Variants in AKT3 observed in about 807,000 individuals in gnomAD.
The protein encoded by AKT3 is AKT serine/threonine kinase 3.
In AKT3, 15 loss-of-function variants were observed where a neutral mutation model predicts 65.3. That is an observed-to-expected ratio of 0.23 (90% CI 0.15 to 0.35). The LOEUF (loss-of-function observed/expected upper bound fraction) is 0.35. Ranked by LOEUF, AKT3 falls within the 10% of genes least tolerant of loss-of-function variation. The probability of loss-of-function intolerance (pLI) is 1.00; values close to 1 mark genes in which losing one functional copy is unlikely to be tolerated. For synonymous variants in AKT3, 206 were observed against 183.8 expected (o/e 1.12, Z -0.98); for missense variants, 243 against 576.5 (o/e 0.42, Z 5.92).
intron 2 of AKT3, among the ~76,000 whole-genome samples, chr1:243,776,173 T>C (rs1235842231): frequency 6.6e-6 from 1 of 152,238 alleles, no homozygotes; most frequent in Admixed American, 6.5e-5. Flanking sequence ...AAATTAGTTC[T>C]AATTTTTCTC....
chr1:243,678,308 C>A (rs564096382), intron 3 of AKT3, among the ~76,000 whole-genome samples: 1 of 151,936 alleles, frequency 6.6e-6, no homozygotes, highest in African/African-American at 2.4e-5. Context: ...ACTACAGCAA[C>A]AACAACAACA....
In AKT3 at chr1:243,795,904, T is replaced by G. The variant is rs934499777; in HGVS notation, c.46+47221A>C. On this transcript the variant is annotated intron_variant, in intron 2 of 13. Transcript: ENST00000673466. Reference sequence around the variant, plus strand: ...AGTTGGTAGTGAAGGGACTCACCCATCCACAAGGGCACATAGGGAGAAAAT... The same window carrying G: ...AGTTGGTAGTGAAGGGACTCACCCAGCCACAAGGGCACATAGGGAGAAAAT... Among the ~76,000 whole-genome samples, 75 of 152,124 alleles carry G rather than the reference T, an allele frequency of 4.9e-4. 1 individual carries two copies. Among genetic ancestry groups the G allele is most frequent in the Non-Finnish European group, 8.8e-4 (60 of 68,022 alleles).
At chr1:243,641,248 ATG>A (rs1013505296) in intron 5 of AKT3, among the ~76,000 whole-genome samples, 51 of 90,042 alleles carry the variant, frequency 5.7e-4, no homozygotes, top group Middle Eastern at 0.011. Context: ...CTCCATATAT[ATG>A]TGTGTGTGTA....
intron 2 of AKT3, among the ~76,000 whole-genome samples, chr1:243,717,929 C>T (rs941255883): frequency 7.9e-5 from 12 of 152,164 alleles, no homozygotes; most frequent in African/African-American, 2.9e-4. Context: ...TTCCTTTTAA[C>T]AGTACTTTTA....
Position 243,500,062 on chromosome 1 carries a change from A to ATGAT in AKT3, c.*5183_*5186dup. On this transcript the variant is annotated 3_prime_UTR_variant, in exon 14 of 14. Coordinates refer to ENST00000673466, the MANE Select transcript of AKT3 (RefSeq NM_005465.7). ...CTCATTCGTATGCTAGGTTATACAT[A>ATGAT]TGATTTTCAATAAATGAACTTTTTA... 4.5e-6 allele frequency: 2 copies of ATGAT among 445,668 alleles called. No homozygotes were observed. 27.6% of individuals were successfully genotyped at this position (445,668 alleles called of 1,614,324 possible).
Position 243,573,577 on chromosome 1 carries a change from A to T in AKT3, c.697-529T>A, listed in dbSNP as rs77573637. On this transcript the variant is annotated intron_variant, in intron 8 of 13. Transcript: ENST00000673466. ...CAAATTATTATTGAAAATAGAAAAT[A>T]ATTTGACATTTTCTATGGTGAGAAA... 1.1e-4 allele frequency among the ~76,000 whole-genome samples: 16 copies of T among 152,310 alleles called. No individual in the cohort carries two copies. In the East Asian group the frequency reaches 3.1e-3, roughly 29 times the overall value.
chr1:243,594,930 G>T, intron 8 of AKT3, among the ~76,000 whole-genome samples: 1 of 151,922 alleles, frequency 6.6e-6, no homozygotes. Context: ...ATGTCTGTAG[G>T]GGGAAAAAAA....
chr1:243,700,724 G>C (rs1045833167), intron 2 of AKT3, among the ~76,000 whole-genome samples: 1 of 152,006 alleles, frequency 6.6e-6, no homozygotes, highest in Non-Finnish European at 1.5e-5. Context: ...GGATGGTCTC[G>C]ATCCCTTGAC....
At chr1:243,531,294 T>C (rs1054105839) in intron 12 of AKT3, among the ~76,000 whole-genome samples, 7 of 152,060 alleles carry the variant, frequency 4.6e-5, no homozygotes, top group Non-Finnish European at 7.4e-5. Flanking sequence ...GGTTTTGCCA[T>C]TGGTCTTGAA....
At chr1:243,785,063 ATT>A (rs764079943) in intron 2 of AKT3, among the ~76,000 whole-genome samples, 16 of 134,858 alleles carry the variant, frequency 1.2e-4, no homozygotes, top group Middle Eastern at 3.9e-3. Context: ...GTCCAACTCA[ATT>A]TTTTTTTTTT....
At chr1:243,532,770 A>C (rs1295731510) in intron 12 of AKT3, among the ~76,000 whole-genome samples, 1 of 152,154 alleles carries the variant, frequency 6.6e-6, no homozygotes, top group African/African-American at 2.4e-5. Flanking sequence ...AGTAAAGCCA[A>C]CTGGCCCTGG....
chr1:243,610,731 C>T (rs1677808290), intron 8 of AKT3, among the ~76,000 whole-genome samples: 3 of 152,214 alleles, frequency 2.0e-5, no homozygotes, highest in Admixed American at 2.0e-4. Context: ...CACTAATACC[C>T]AGTGCATAAT....
At chr1:243,748,063 T>A (rs1688586189) in intron 2 of AKT3, among the ~76,000 whole-genome samples, 1 of 152,126 alleles carries the variant, frequency 6.6e-6, no homozygotes, top group African/African-American at 2.4e-5. Flanking sequence ...GAAGAAAAAA[T>A]TAAAAGATAC....
At chr1:243,675,148 C>T (rs980951235) in intron 3 of AKT3, among the ~76,000 whole-genome samples, 1 of 152,148 alleles carries the variant, frequency 6.6e-6, no homozygotes, top group Admixed American at 6.5e-5. Context: ...TCAGTGCATA[C>T]ATACCACAGT....
chr1:243,710,102 A>C (rs1007604063), intron 2 of AKT3, among the ~76,000 whole-genome samples: 2 of 152,176 alleles, frequency 1.3e-5, no homozygotes, highest in Non-Finnish European at 2.9e-5. Context: ...TATTTTTAAA[A>C]ATTGCTATTC....
intron 2 of AKT3, among the ~76,000 whole-genome samples, chr1:243,746,838 A>G (rs1228535351): frequency 6.6e-6 from 1 of 151,932 alleles, no homozygotes; most frequent in Non-Finnish European, 1.5e-5. Flanking sequence ...AGACATCAGA[A>G]ATTTTCAGCC....
At chr1:243,647,292 A>G (rs547206622) in intron 4 of AKT3, among the ~76,000 whole-genome samples, 3 of 152,212 alleles carry the variant, frequency 2.0e-5, no homozygotes, top group South Asian at 2.1e-4. Context: ...TCCTATGCTT[A>G]TATGTTTAGA....
At position 243,504,644 on chromosome 1, in the gene AKT3, A is replaced by G. The variant is rs1364396310; in HGVS notation, c.*605T>C. 1 of 173,430 alleles carries G rather than the reference A, an allele frequency of 5.8e-6. No individual in the cohort carries two copies. The highest frequency in any genetic ancestry group is 1.0e-4 in the East Asian group (1 of 9,800). The allele number at this position is 173,430 out of a possible 1,614,324, so 10.7% of individuals were successfully genotyped here. A position where few individuals can be genotyped will look rare whatever the true frequency, so the allele number is the denominator to read the frequency against. ...AATTTAAAAAAAAAAAATTATATAT[A>G]TATATATATATCCCAACAGTTGTTC... On this transcript the variant is annotated 3_prime_UTR_variant, in exon 14 of 14. Coordinates refer to ENST00000673466, the MANE Select transcript of AKT3 (RefSeq NM_005465.7).
At chr1:243,741,232 T>G (rs1688136096) in intron 2 of AKT3, among the ~76,000 whole-genome samples, 1 of 152,212 alleles carries the variant, frequency 6.6e-6, no homozygotes, top group South Asian at 2.1e-4. Context: ...GCAGAAATTT[T>G]GTTAGTCTTT....
Sources: allele counts gnomAD v4.1 joint callset (sites outside exome capture counted in the v4.1 genomes callset), GRCh38; gene constraint gnomAD v4.1.1; transcripts MANE v1.5; gene names NCBI Gene and HGNC (gene_info 2026-07-23, HGNC 2026-07-21).